Variants in CNTNAP2 observed in about 807,000 individuals in gnomAD.
CNTNAP2 encodes contactin associated protein 2.
In CNTNAP2, 98 loss-of-function variants were observed where a neutral mutation model predicts 155.2. The ratio of observed to expected loss-of-function variants is 0.63; its 90% CI spans 0.54 to 0.75. The LOEUF (loss-of-function observed/expected upper bound fraction) is 0.75, where lower values mean the gene tolerates loss of function less well. CNTNAP2 is among the 30% of genes least tolerant of loss of function. The pLI is 0.00. For synonymous variants in CNTNAP2, 651 were observed against 631.2 expected (o/e 1.03, Z -0.47); for missense variants, 1,727 against 1,688.1 (o/e 1.02, Z -0.40).
chr7:147,686,915 A>G (rs904628546), intron 13 of CNTNAP2, among the ~76,000 whole-genome samples: 1 of 152,098 alleles, frequency 6.6e-6, no homozygotes, highest in Non-Finnish European at 1.5e-5. Context: ...CAAATTTACA[A>G]TTAGCTAGAA....
At chr7:147,165,208 G>A (rs1435202698) in intron 8 of CNTNAP2, among the ~76,000 whole-genome samples, 3 of 152,038 alleles carry the variant, frequency 2.0e-5, no homozygotes, top group African/African-American at 4.8e-5. Context: ...GAGTAAGGGG[G>A]TATTGCATTG....
intron 13 of CNTNAP2, among the ~76,000 whole-genome samples, chr7:147,885,879 A>C (rs186951873): frequency 6.6e-6 from 1 of 152,216 alleles, no homozygotes; most frequent in Non-Finnish European, 1.5e-5. Context: ...AACACAATAC[A>C]TGAATCAGAG....
chr7:146,989,939 A>T (rs1039365826), intron 3 of CNTNAP2, among the ~76,000 whole-genome samples: 21 of 151,838 alleles, frequency 1.4e-4, no homozygotes, highest in Non-Finnish European at 1.5e-5. Flanking sequence ...TTTACATTTA[A>T]CACCTAAAAT....
intron 1 of CNTNAP2, among the ~76,000 whole-genome samples, chr7:146,426,971 T>G (rs1584920236): frequency 1.3e-5 from 2 of 152,118 alleles, no homozygotes; most frequent in East Asian, 3.8e-4. Flanking sequence ...CTGTACACCA[T>G]AAATATATAC....
At chr7:146,849,718 T>A (rs28733796) in intron 3 of CNTNAP2, among the ~76,000 whole-genome samples, 4,673 of 152,300 alleles carry the variant, frequency 0.031, 216 homozygotes, top group African/African-American at 0.1. Context: ...AGTCTCTTCT[T>A]ATCGTCCTCT....
intron 1 of CNTNAP2, among the ~76,000 whole-genome samples, chr7:146,585,140 T>TTTGTG (rs1798668514): frequency 6.6e-6 from 1 of 151,860 alleles, no homozygotes; most frequent in African/African-American, 2.4e-5. Flanking sequence ...TTTGTTTTGT[T>TTTGTG]TTTTCGGAGT....
intron 10 of CNTNAP2, among the ~76,000 whole-genome samples, chr7:147,399,622 A>G (rs1756990873): frequency 6.6e-6 from 1 of 152,208 alleles, no homozygotes. Flanking sequence ...CTAAAGAAAA[A>G]GTCAGAAATT....
chr7:147,629,124 G>A (rs576496455), intron 12 of CNTNAP2, among the ~76,000 whole-genome samples: 30 of 152,102 alleles, frequency 2.0e-4, no homozygotes, highest in African/African-American at 5.8e-4. Flanking sequence ...GACATAGGCC[G>A]ACCGCTGTGG....
chr7:147,108,658 T>A (rs1584848619), intron 5 of CNTNAP2, among the ~76,000 whole-genome samples: 1 of 152,304 alleles, frequency 6.6e-6, no homozygotes, highest in East Asian at 1.9e-4. Context: ...CATTTATTAT[T>A]CTTATTTTAA....
intron 9 of CNTNAP2, among the ~76,000 whole-genome samples, chr7:147,327,102 C>G (rs1054483024): frequency 6.6e-6 from 1 of 151,504 alleles, no homozygotes; most frequent in African/African-American, 2.4e-5. Context: ...ATCATAAAAC[C>G]CCAAAGCTGA....
At chr7:146,330,007 AC>A in intron 1 of CNTNAP2, among the ~76,000 whole-genome samples, 1 of 120,444 alleles carries the variant, frequency 8.3e-6, no homozygotes, top group African/African-American at 4.1e-5. Flanking sequence ...TTCAACAAGT[AC>A]TTTCTTTTTT....
At position 147,093,256 on chromosome 7, in the gene CNTNAP2, A is replaced by G. The variant is rs941806887; in HGVS notation, c.551-14891A>G. Among the ~76,000 whole-genome samples the G allele has an allele frequency of 1.5e-3, 226 of 150,860 alleles. 1 individual carries two copies. The Middle Eastern group carries it at 0.017, about 12-fold the overall frequency. On this transcript the variant is annotated intron_variant, in intron 4 of 23. Coordinates refer to ENST00000361727, the MANE Select transcript of CNTNAP2 (RefSeq NM_014141.6). ...ACTCCATCTCAAAAAAAAAAAAAAA[A>G]AAAGAAAAAGAAAAGGTGTACGTAT...
chr7:147,683,115 G>A (rs1405728097), intron 13 of CNTNAP2, among the ~76,000 whole-genome samples: 1 of 151,776 alleles, frequency 6.6e-6, no homozygotes, highest in African/African-American at 2.4e-5. Context: ...AGTATTCGGG[G>A]CATTTTCTTT....
intron 1 of CNTNAP2, among the ~76,000 whole-genome samples, chr7:146,576,435 T>C (rs1437647367): frequency 1.3e-5 from 2 of 152,106 alleles, no homozygotes; most frequent in Non-Finnish European, 2.9e-5. Flanking sequence ...GGAGAGCCCA[T>C]GGAGAAGAAC....
At chr7:146,722,896 G>A (rs113008161) in intron 1 of CNTNAP2, among the ~76,000 whole-genome samples, 4 of 151,896 alleles carry the variant, frequency 2.6e-5, no homozygotes, top group Admixed American at 6.6e-5. Flanking sequence ...GCATCTCTAA[G>A]CCCAGCTACT....
rs543817974 is a variant in CNTNAP2 at position 147,924,533 on chromosome 7, C to T, written c.2255+20812C>T. Among the ~76,000 whole-genome samples the T allele has an allele frequency of 4.6e-5, 7 of 152,098 alleles. No individual in the cohort carries two copies. In the South Asian group the frequency reaches 1.0e-3, roughly 23 times the overall value. On this transcript the variant is annotated intron_variant, in intron 14 of 23. Coordinates refer to ENST00000361727, the MANE Select transcript of CNTNAP2 (RefSeq NM_014141.6). ...TTTCCAACTCTGTAAATAAAGAAAC[C>T]GAGGCTTAGAGAGGATAATTAACCT...
chr7:148,216,024 T>A (rs1022494024), intron 18 of CNTNAP2, among the ~76,000 whole-genome samples: 2 of 152,190 alleles, frequency 1.3e-5, no homozygotes, highest in African/African-American at 2.4e-5. Context: ...GCATGGGCGA[T>A]GGAGTGTGGG....
chr7:146,477,908 T>C (rs971038923), intron 1 of CNTNAP2, among the ~76,000 whole-genome samples: 1 of 152,128 alleles, frequency 6.6e-6, no homozygotes, highest in Non-Finnish European at 1.5e-5. Context: ...AATTATTGTA[T>C]GCATTCTACC....
At chr7:146,658,950 T>C (rs1206974498) in intron 1 of CNTNAP2, among the ~76,000 whole-genome samples, 2 of 152,062 alleles carry the variant, frequency 1.3e-5, no homozygotes, top group African/African-American at 4.8e-5. Flanking sequence ...CCCCACACTC[T>C]CTCAGCCTCT....
Sources: gnomAD v4.1 joint callset for allele counts (sites outside exome capture counted in the v4.1 genomes callset) on GRCh38, gnomAD v4.1.1 for gene constraint, MANE v1.5 for transcripts, NCBI Gene and HGNC (gene_info 2026-07-23, HGNC 2026-07-21) for gene names.